HDAC6: variants seen among roughly 807,000 people sequenced by gnomAD.
HDAC6 encodes the protein histone deacetylase 6.
In HDAC6, 5 loss-of-function variants were observed where a neutral mutation model predicts 88.9. The observed-to-expected ratio is 0.06, with a 90% CI of 0.03 to 0.12. HDAC6 has a LOEUF of 0.12. Ranked by LOEUF, HDAC6 falls within the 10% of genes least tolerant of loss-of-function variation. The pLI is 1.00. For missense variants in HDAC6, 706 were observed against 1,014.4 expected (o/e 0.70, Z 4.13); for synonymous variants, 378 against 398.0 (o/e 0.95, Z 0.60).
In HDAC6 at chrX:48,820,095, C is replaced by T. The variant is rs781974405; in HGVS notation, c.2188-11C>T. On this transcript the variant is annotated splice_polypyrimidine_tract_variant and intron_variant, in intron 22 of 28. Transcript: ENST00000334136. ...CCTCATGCTTATACATCTCTTCTCT[C>T]CCTGCCTCAGTTTAACCCAGAACTG... is the stretch of plus-strand genomic sequence containing the variant. 2 of 1,210,166 alleles carry T rather than the reference C, an allele frequency of 1.7e-6. No individual in the cohort carries two copies. The highest frequency in any genetic ancestry group is 3.0e-5 in the East Asian group (1 of 33,840).
chrX:48,815,304 T>C, intron 14 of HDAC6, 80 bp from the exon 15 acceptor site: 1 of 739,933 alleles, frequency 1.4e-6, no homozygotes, highest in Non-Finnish European at 2.1e-6. Context: ...TGGTATGCAC[T>C]CTCTTATTAT....
intron 23 of HDAC6, among the ~76,000 whole-genome samples, chrX:48,820,793 A>G (rs1330548888): frequency 8.9e-6 from 1 of 111,811 alleles, no homozygotes; most frequent in African/African-American, 3.3e-5. Flanking sequence ...TGCCTGGCAT[A>G]TGGTAAATGC....
At position 48,824,399 on chromosome X, in the gene HDAC6, C is replaced by T. The variant is rs2063134167; in HGVS notation, c.3579+105C>T. The T allele has an allele frequency of 5.5e-6, 6 of 1,098,626 alleles. No individual in the cohort carries two copies. In the East Asian group the frequency reaches 1.8e-4, roughly 33 times the overall value. 90.5% of individuals were successfully genotyped at this position (1,098,626 alleles called of 1,213,427 possible). ...ACCACAGGCCCCTCTGCATGGCTGC[C>T]TCATGTGATTATTTTGCATGGGGCG... On this transcript the variant is annotated intron_variant, in intron 28 of 28. Transcript: ENST00000334136.
chrX:48,815,069 G>A lies in HDAC6; in HGVS notation c.1149+18G>A, dbSNP rs782493528. On this transcript the variant is annotated intron_variant, in intron 14 of 28. Transcript: ENST00000334136. ...CTCTGGAGGTGAGTGACTCACCTTC[G>A]TCCCTCAGCCTGTGGATCCTGGAGG... 16 of 1,134,599 alleles carry A rather than the reference G, an allele frequency of 1.4e-5. No homozygotes were observed. Among genetic ancestry groups the A allele is most frequent in the East Asian group, 6.3e-5 (2 of 31,972 alleles). 93.5% of individuals were successfully genotyped at this position (1,134,599 alleles called of 1,213,427 possible).
chrX:48,824,029 A>G lies in HDAC6; in HGVS notation c.3411A>G (p.Gly1137=), dbSNP rs782120256. 8.3e-7 allele frequency: 1 copy of G among 1,209,397 alleles called. No homozygotes were observed. Among genetic ancestry groups the G allele is most frequent in the East Asian group, 3.0e-5 (1 of 33,720 alleles). The change falls in exon 27 of 29, where the codon GGA becomes GGG. Residue 1137 remains glycine, a synonymous_variant. Transcript: ENST00000334136. ...TGACCCAACCTTGTGGGGACTGTGG[A>G]ACAATCCAAGAGAATTGGGTGTGTC... ...LDVTQPCGDC[G]TIQENWVCLS...
intron 19 of HDAC6, 135 bp downstream of exon 19, chrX:48,816,768 G>T: frequency 4.4e-6 from 2 of 455,346 alleles, no homozygotes; most frequent in Non-Finnish European, 3.5e-6. Context: ...ACGGGAGGGG[G>T]TGGGCCTAGA....
intron 10 of HDAC6, 171 bp from the exon 11 acceptor site, chrX:48,814,269 G>C (rs1464081738): frequency 6.2e-6 from 3 of 486,050 alleles, no homozygotes; most frequent in African/African-American, 2.4e-5. Flanking sequence ...TAAATTAATG[G>C]AAGAATGGAT....
Position 48,815,946 on chromosome X carries a change from C to A in HDAC6, c.1387C>A (p.Pro463Thr). 8.3e-7 allele frequency: 1 copy of A among 1,210,177 alleles called. No individual in the cohort carries two copies. Among genetic ancestry groups the A allele is most frequent in the Non-Finnish European group, 1.1e-6 (1 of 894,310 alleles). ...DNVEESEEEG[P>T]WEPPVLPILT... ...TGTAGAGGAGAGCGAGGAGGAAGGA[C>A]CCTGGGAGCCCCCTGTGCTCCCAAT... Residue 463 changes from proline to threonine, a missense_variant, in exon 17 of 29, where the codon CCC becomes ACC. Physicochemically the swap from Pro to Thr is conservative, Grantham distance 38. Around this residue, in one of 9 missense-constraint regions of HDAC6, gnomAD observed 106 missense variants for 135.1 expected, o/e 0.78. Coordinates refer to ENST00000334136, the MANE Select transcript of HDAC6 (RefSeq NM_006044.4).
intron 10 of HDAC6, chrX:48,813,616 C>T (rs782411797): frequency 7.3e-4 from 82 of 112,323 alleles, no homozygotes; most frequent in African/African-American, 2.6e-3. Context: ...GAATTAAGCC[C>T]TCCCATGGCC....
upstream of HDAC6, chrX:48,801,718 A>G (rs1029975352): frequency 2.1e-5 from 10 of 465,270 alleles, no homozygotes; most frequent in East Asian, 8.9e-4. Context: ...TAGCACGCCG[A>G]CGCACCGCCC....
intron 6 of HDAC6, 38 bp downstream of exon 6, chrX:48,805,709 C>G (rs1292929643): frequency 1.8e-5 from 20 of 1,089,252 alleles, no homozygotes; most frequent in Non-Finnish European, 2.2e-5. Flanking sequence ...GGGGAGGAGC[C>G]TGCCCTGGAC....
intron 22 of HDAC6, among the ~76,000 whole-genome samples, chrX:48,818,671 T>A (rs2063030981): frequency 8.9e-6 from 1 of 112,465 alleles, no homozygotes. Context: ...GAGGGCCTTC[T>A]GACTATGCAC....
intron 19 of HDAC6, chrX:48,817,106 G>T: frequency 3.1e-6 from 1 of 319,212 alleles, no homozygotes; most frequent in East Asian, 5.4e-5. Flanking sequence ...CAAAAAATTA[G>T]CCGGGCGTGG....
Position 48,817,309 on chromosome X carries a change from A to G in HDAC6, c.1792-17A>G. ...TGAGGGCAGGCTGTCCGATCTTAGCACCCTGCTGCTTCCCAGGTTCTGAAT... is the reference window on the plus strand; with the variant it reads ...TGAGGGCAGGCTGTCCGATCTTAGCGCCCTGCTGCTTCCCAGGTTCTGAAT... On this transcript the variant is annotated splice_polypyrimidine_tract_variant and intron_variant, in intron 19 of 28. Coordinates refer to ENST00000334136, the MANE Select transcript of HDAC6 (RefSeq NM_006044.4). 8.4e-7 allele frequency: 1 copy of G among 1,183,504 alleles called. No homozygotes were observed. The highest frequency in any genetic ancestry group is 1.8e-5 in the African/African-American group (1 of 56,577).
At chrX:48,807,720 G>T (rs868943054) in intron 8 of HDAC6, among the ~76,000 whole-genome samples, 1 of 111,856 alleles carries the variant, frequency 8.9e-6, no homozygotes, top group Non-Finnish European at 1.9e-5. Flanking sequence ...CACCGTGTTG[G>T]CCAGGATGGT....
chrX:48,802,666 C>T lies in HDAC6; in HGVS notation c.-27C>T. On this transcript the variant is annotated 5_prime_UTR_variant, in exon 2 of 29. Transcript: ENST00000334136. ...ACGCTCCTCCCCCCACCCCCAGAAC[C>T]GCGGCAGGGGCCAAGCCTCCTCAAC... The T allele has an allele frequency of 4.2e-6, 5 of 1,189,512 alleles. No individual in the cohort carries two copies. Among genetic ancestry groups the T allele is most frequent in the Non-Finnish European group, 5.7e-6 (5 of 884,540 alleles).
chrX:48,805,810 C>A, intron 6 of HDAC6, 139 bp downstream of exon 6: 1 of 502,344 alleles, frequency 2.0e-6, no homozygotes, highest in South Asian at 3.0e-5. Context: ...GAATCTGTGT[C>A]ATCGCCTGTA....
chrX:48,807,297 G>A (rs1421710155), intron 8 of HDAC6, among the ~76,000 whole-genome samples: 3 of 111,854 alleles, frequency 2.7e-5, no homozygotes, highest in Non-Finnish European at 5.6e-5. Flanking sequence ...ATCAGTCCCC[G>A]ACTAATGGGC....
intron 10 of HDAC6, 71 bp downstream of exon 10, chrX:48,808,397 G>T: frequency 1.3e-6 from 1 of 763,166 alleles, no homozygotes; most frequent in Non-Finnish European, 1.9e-6. Context: ...AGCCAGAAGG[G>T]GTCCAGAAGG....
Sources: gnomAD v4.1 joint callset for allele counts (sites outside exome capture counted in the v4.1 genomes callset) on GRCh38, gnomAD v4.1.1 for gene constraint, gnomAD v4.1.1 regional missense constraint, MANE v1.5 for transcripts, NCBI Gene and HGNC (gene_info 2026-07-23, HGNC 2026-07-21) for gene names.